Variants in SH3TC1 observed in about 807,000 individuals in gnomAD.
SH3TC1 encodes the protein SH3 domain and tetratricopeptide repeats 1, also known as SH3 domain and tetratricopeptide repeat-containing protein 1.
A neutral mutation model predicts 117.3 loss-of-function variants in SH3TC1; 135 were observed. That is an observed-to-expected ratio of 1.15 (90% CI 1.00 to 1.33). The LOEUF (loss-of-function observed/expected upper bound fraction) is 1.33. Among genes scored for constraint, SH3TC1 ranks in the 40% most tolerant of loss-of-function variants. The pLI is 0.00. For missense variants in SH3TC1, 2,092 were observed against 1,794.3 expected (o/e 1.17, Z -3.00); for synonymous variants, 898 against 816.9 (o/e 1.10, Z -1.69).
In SH3TC1 at chr4:8,216,019, T is replaced by G. The variant is rs2152985512; in HGVS notation, c.482-92T>G. ...CCATGGTCTCCCTGGACCTGGTCAG[T>G]GCAGGGCTCAGCCGACCTGGGACCA... On this transcript the variant is annotated intron_variant, in intron 5 of 17. Coordinates refer to ENST00000245105, the MANE Select transcript of SH3TC1 (RefSeq NM_018986.5). The G allele has an allele frequency of 3.0e-5, 44 of 1,488,180 alleles. No homozygotes were observed. In the South Asian group the frequency reaches 5.4e-4, roughly 18 times the overall value. 92.2% of individuals were successfully genotyped at this position (1,488,180 alleles called of 1,614,324 possible).
intron 12 of SH3TC1, among the ~76,000 whole-genome samples, chr4:8,230,955 T>A (rs1721145942): frequency 6.6e-6 from 1 of 152,070 alleles, no homozygotes; most frequent in African/African-American, 2.4e-5. Flanking sequence ...AATTTTTGTA[T>A]TTTTTTGTAG....
intron 13 of SH3TC1, 176 bp from the exon 14 acceptor site, chr4:8,233,187 T>C: frequency 7.1e-7 from 1 of 1,400,808 alleles, no homozygotes; most frequent in South Asian, 1.7e-5. Flanking sequence ...GTCTTTTCCT[T>C]GCCGTGTGTG....
intron 2 of SH3TC1, among the ~76,000 whole-genome samples, chr4:8,208,944 C>A (rs1670612277): frequency 6.6e-6 from 1 of 152,190 alleles, no homozygotes; most frequent in South Asian, 2.1e-4. Context: ...AATCAGATCC[C>A]CCTGGATCCT....
intron 17 of SH3TC1, among the ~76,000 whole-genome samples, chr4:8,238,353 C>T (rs892425789): frequency 5.9e-5 from 9 of 152,314 alleles, no homozygotes; most frequent in Middle Eastern, 3.4e-3. Flanking sequence ...GCTCCCTCTG[C>T]GCCCAGCCCT....
chr4:8,223,061 A>T, intron 10 of SH3TC1, 91 bp downstream of exon 10: 1 of 1,495,094 alleles, frequency 6.7e-7, no homozygotes, highest in Non-Finnish European at 9.0e-7. Context: ...AGATAGTGCC[A>T]GCCCCTGGAT....
intron 12 of SH3TC1, chr4:8,229,254 AG>A (rs1204531343): frequency 6.6e-6 from 1 of 151,884 alleles, no homozygotes; most frequent in Non-Finnish European, 1.5e-5. Context: ...AAGCCACAAA[AG>A]GGTGAGTGGT....
chr4:8,183,940 C>T lies in SH3TC1; in HGVS notation c.-57+1730C>T, dbSNP rs924977467. ...CTAATTTTTGTATTTTTAGTAGATACGGGGTTTCACCATGTTGGCCAGGCT... is the reference window on the plus strand; with the variant it reads ...CTAATTTTTGTATTTTTAGTAGATATGGGGTTTCACCATGTTGGCCAGGCT... On this transcript the variant is annotated intron_variant, in intron 1 of 16. Transcript: ENST00000508641. This position sits in a 1 kb window ranked among gnomAD's most constrained non-coding sequence, Gnocchi z 5.4. Among the ~76,000 whole-genome samples the T allele has an allele frequency of 2.0e-5, 3 of 152,192 alleles. No individual in the cohort carries two copies. The highest frequency in any genetic ancestry group is 4.8e-5 in the African/African-American group (2 of 41,500).
Position 8,205,928 on chromosome 4 carries a change from A to G in SH3TC1, c.172+562A>G. On this transcript the variant is annotated intron_variant, in intron 2 of 17. Coordinates refer to ENST00000245105, the MANE Select transcript of SH3TC1 (RefSeq NM_018986.5). The surrounding 1 kb of genome is among the most constrained non-coding windows in gnomAD (Gnocchi z 5.4). ...GACGAGGGGAGAGGCAGGGGAGACC[A>G]AGGCCTGCACGGCCCCTCCCGGCAG... is the stretch of plus-strand genomic sequence containing the variant. 1 of 494,960 alleles carries G rather than the reference A, an allele frequency of 2.0e-6. No individual in the cohort carries two copies. Among genetic ancestry groups the G allele is most frequent in the Non-Finnish European group, 3.6e-6 (1 of 277,150 alleles). 30.7% of individuals were successfully genotyped at this position (494,960 alleles called of 1,614,324 possible).
chr4:8,211,027 C>T (rs962681202), intron 3 of SH3TC1, among the ~76,000 whole-genome samples: 1 of 150,976 alleles, frequency 6.6e-6, no homozygotes, highest in Non-Finnish European at 1.5e-5. Context: ...CTCCCCTCTC[C>T]CTCTCTCTCT....
chr4:8,212,850 G>T, intron 4 of SH3TC1, 22 bp downstream of exon 4: 2 of 1,536,810 alleles, frequency 1.3e-6, no homozygotes, highest in African/African-American at 2.7e-5. Context: ...TCTGGGGCCT[G>T]CTCAGGGATG....
At position 8,192,121 on chromosome 4, in the gene SH3TC1, C is replaced by T. The variant is rs1717436044; in HGVS notation, c.-57+9911C>T. Among the ~76,000 whole-genome samples the T allele has an allele frequency of 6.6e-6, 1 of 151,944 alleles. No homozygotes were observed. The highest frequency in any genetic ancestry group is 6.6e-5 in the Admixed American group (1 of 15,266). On this transcript the variant is annotated intron_variant, in intron 1 of 16. Coordinates refer to the SH3TC1 transcript ENST00000508641. This position sits in a 1 kb window ranked among gnomAD's most constrained non-coding sequence, Gnocchi z 4.1. The stretch of plus-strand genomic sequence containing the variant: ...TCTCTCACCTCTGCCTCCCAAGTAG[C>T]TAAGATTACAGGCACCTGCCACCAC...
At chr4:8,240,632 AG>A in intron 17 of SH3TC1, 65 bp from the exon 18 acceptor site, 1 of 1,595,178 alleles carries the variant, frequency 6.3e-7, no homozygotes, top group South Asian at 1.1e-5. Flanking sequence ...ACCTGGGCAC[AG>A]GAACGGCCTC....
rs74935855 is a variant in SH3TC1, at chr4:8,216,067, C to A, written c.482-44C>A. On this transcript the variant is annotated intron_variant, in intron 5 of 17. Coordinates refer to ENST00000245105, the MANE Select transcript of SH3TC1 (RefSeq NM_018986.5). The stretch of plus-strand genomic sequence containing the variant: ...CCACACAGGCTTCCCTGCCTCCCTG[C>A]CCCTCTTCTGGAGCCCTCGGGTGAC... 5.0e-3 allele frequency: 7,970 copies of A among 1,605,292 alleles called. 314 individuals are homozygous for A. In the African/African-American group the frequency reaches 0.088, roughly 18 times the overall value.
chr4:8,217,671 G>A (rs532475259), intron 7 of SH3TC1, among the ~76,000 whole-genome samples: 1 of 152,352 alleles, frequency 6.6e-6, no homozygotes, highest in East Asian at 1.9e-4. Flanking sequence ...GTGACAGGCT[G>A]TGGCTTGGCT....
Position 8,222,974 on chromosome 4 carries a change from C to T in SH3TC1, c.1243+4C>T, listed in dbSNP as rs754663531. ...GTCTGCAGCGTGTACAGCCTGGGTG[C>T]GTGTGGGCGATGCCTGTGGTGGGGC... On this transcript the variant is annotated splice_donor_region_variant and intron_variant, in intron 10 of 17. Coordinates refer to ENST00000245105, the MANE Select transcript of SH3TC1 (RefSeq NM_018986.5). The T allele has an allele frequency of 5.0e-6, 8 of 1,607,344 alleles. No individual in the cohort carries two copies. Among genetic ancestry groups the T allele is most frequent in the Admixed American group, 3.3e-5 (2 of 59,924 alleles).
At chr4:8,216,815 T>G in intron 6 of SH3TC1, 142 bp from the exon 7 acceptor site, 1 of 789,566 alleles carries the variant, frequency 1.3e-6, no homozygotes, top group Non-Finnish European at 2.1e-6. Flanking sequence ...CTGAGCCCCT[T>G]TGGGTCTCTG....
At chr4:8,197,801 G>A (rs1450856318), upstream of SH3TC1, among the ~76,000 whole-genome samples, 1 of 152,234 alleles carries the variant, frequency 6.6e-6, no homozygotes, top group East Asian at 1.9e-4. Context: ...GGGAGGGTGT[G>A]ACTTGAGGGC....
chr4:8,223,002 C>T (rs1366759356), intron 10 of SH3TC1, 32 bp downstream of exon 10: 1 of 1,593,586 alleles, frequency 6.3e-7, no homozygotes, highest in Non-Finnish European at 8.6e-7. Context: ...GGTGGGGCCA[C>T]TGCCCTCCCC....
In SH3TC1 at chr4:8,205,972, A is replaced by C. The variant is rs1578656422; in HGVS notation, c.172+606A>C. 9.8e-6 allele frequency: 4 copies of C among 406,644 alleles called. No homozygotes were observed. Among genetic ancestry groups the C allele is most frequent in the Non-Finnish European group, 1.8e-5 (4 of 224,748 alleles). 25.2% of individuals were successfully genotyped at this position (406,644 alleles called of 1,614,324 possible). On this transcript the variant is annotated intron_variant, in intron 2 of 17. Transcript: ENST00000245105. This position sits in a 1 kb window ranked among gnomAD's most constrained non-coding sequence, Gnocchi z 5.4. ...CCGGCAGGAGACAGCTGCGGTTGTGACCCGTCCCTGGGCCTCGTCCTCCCA... is the reference window on the plus strand; with the variant it reads ...CCGGCAGGAGACAGCTGCGGTTGTGCCCCGTCCCTGGGCCTCGTCCTCCCA...
Sources: gnomAD v4.1 joint callset for allele counts (sites outside exome capture counted in the v4.1 genomes callset) on GRCh38, gnomAD v4.1.1 for gene constraint, Gnocchi (gnomAD v3.1) non-coding constraint, MANE v1.5 for transcripts, NCBI Gene and HGNC (gene_info 2026-07-23, HGNC 2026-07-21) for gene names.